The following SLC49A4 variants were observed in gnomAD, a reference collection of about 807,000 sequenced individuals.
The protein encoded by SLC49A4 is disrupted in renal cancer protein 2.
Under a neutral mutation model 50.6 loss-of-function variants are expected in SLC49A4, and 36 were observed. The observed-to-expected ratio is 0.71, with a 90% CI of 0.55 to 0.94. SLC49A4 has a LOEUF of 0.94. Ranked by LOEUF, SLC49A4 falls within the 40% of genes least tolerant of loss-of-function variation. The pLI is 0.00. For missense variants in SLC49A4, 503 were observed against 605.7 expected, an observed-to-expected ratio of 0.83 and a Z score of 1.78; for synonymous variants, 248 against 241.2, an observed-to-expected ratio of 1.03 and a Z score of -0.26.
chr3:122,812,060 A>T (rs752166082), intron 2 of SLC49A4, among the ~76,000 whole-genome samples: 7 of 151,886 alleles, frequency 4.6e-5, no homozygotes, highest in Non-Finnish European at 1.0e-4. Flanking sequence ...GGCTCAAGGG[A>T]TCCTCCTGCC....
chr3:122,809,207 G>C (rs948276268), intron 2 of SLC49A4, among the ~76,000 whole-genome samples: 6 of 152,128 alleles, frequency 3.9e-5, no homozygotes, highest in African/African-American at 1.4e-4. Context: ...TAGGGTACAA[G>C]GGTTCATGTT....
chr3:122,807,031 A>G lies in SLC49A4; in HGVS notation c.437+81A>G, dbSNP rs1187494262. 5 of 762,904 alleles carry G rather than the reference A, an allele frequency of 6.6e-6. No homozygotes were observed. In the Admixed American group the frequency reaches 1.4e-4, roughly 21 times the overall value. 47.3% of individuals were successfully genotyped at this position (762,904 alleles called of 1,614,324 possible). A position where few individuals can be genotyped will look rare whatever the true frequency, so the allele number is the denominator to read the frequency against. On this transcript the variant is annotated intron_variant, in intron 2 of 8. Transcript: ENST00000261038. ...TTTTTAAGAAGATCAGTAAAGGGTC[A>G]TATTTATAGAAGCGTTTATTTTTTT...
At chr3:122,822,337 T>C (rs994375634) in intron 2 of SLC49A4, among the ~76,000 whole-genome samples, 3 of 152,238 alleles carry the variant, frequency 2.0e-5, no homozygotes, top group Admixed American at 6.5e-5. Context: ...TATCTTTTAA[T>C]GTGTGAAAGT....
Position 122,826,862 on chromosome 3 carries a change from C to A in SLC49A4, c.500C>A (p.Pro167Gln). 6.2e-7 allele frequency: 1 copy of A among 1,614,136 alleles called. No individual in the cohort carries two copies. ...LAGPTVMNAA[P>Q]FLSTTWFSAD... Reference sequence around the variant, plus strand: ...GGTCCAACTGTAATGAATGCAGCACCATTTCTCTCTACGACGTGGTTTTCT... The same window carrying A: ...GGTCCAACTGTAATGAATGCAGCACAATTTCTCTCTACGACGTGGTTTTCT... The change falls in exon 3 of 9, where the codon CCA becomes CAA. Residue 167 changes from proline to glutamine, a missense_variant. Pro to Gln is a moderately conservative substitution (Grantham distance 76). Transcript: ENST00000261038.
chr3:122,825,801 T>G (rs1225550457), intron 2 of SLC49A4, among the ~76,000 whole-genome samples: 1 of 152,108 alleles, frequency 6.6e-6, no homozygotes, highest in Non-Finnish European at 1.5e-5. Flanking sequence ...CTATGCTTTC[T>G]TTGGACTTCT....
At chr3:122,879,235 T>G in intron 8 of SLC49A4, 28 bp from the exon 9 acceptor site, 1 of 1,552,156 alleles carries the variant, frequency 6.4e-7, no homozygotes, top group Non-Finnish European at 8.9e-7. Context: ...CATGAATGTT[T>G]AAAACTGCAT....
chr3:122,806,975 C>A, intron 2 of SLC49A4, 25 bp downstream of exon 2: 2 of 1,370,002 alleles, frequency 1.5e-6, no homozygotes, highest in South Asian at 1.2e-5. Context: ...TAACATTTCT[C>A]CCCCATTTTT....
At chr3:122,862,643 G>A (rs950470107) in intron 7 of SLC49A4, among the ~76,000 whole-genome samples, 2 of 152,146 alleles carry the variant, frequency 1.3e-5, no homozygotes, top group Non-Finnish European at 2.9e-5. Flanking sequence ...TTTTTTGTGT[G>A]TGATACTGTA....
intron 7 of SLC49A4, among the ~76,000 whole-genome samples, chr3:122,866,948 C>T (rs1351932862): frequency 6.6e-6 from 1 of 152,070 alleles, no homozygotes; most frequent in Non-Finnish European, 1.5e-5. Flanking sequence ...TAACACTGTG[C>T]ATATAAATGG....
chr3:122,850,959 C>T (rs914729715), intron 5 of SLC49A4, among the ~76,000 whole-genome samples: 1 of 152,008 alleles, frequency 6.6e-6, no homozygotes, highest in African/African-American at 2.4e-5. Flanking sequence ...ACTTTAATTT[C>T]CCCCCACTCT....
intron 5 of SLC49A4, among the ~76,000 whole-genome samples, chr3:122,851,678 GTC>G (rs527626213): frequency 1.5e-3 from 232 of 152,108 alleles, no homozygotes; most frequent in Non-Finnish European, 2.5e-3. Flanking sequence ...TTAGCTTGAT[GTC>G]TCTCATTAAT....
At chr3:122,814,055 G>A (rs56072928) in intron 2 of SLC49A4, among the ~76,000 whole-genome samples, 6,398 of 152,284 alleles carry the variant, frequency 0.042, 441 homozygotes, top group African/African-American at 0.14. Flanking sequence ...TGGATCACTT[G>A]AGGCCAGGAG....
intron 4 of SLC49A4, among the ~76,000 whole-genome samples, chr3:122,834,887 G>A (rs1936657509): frequency 6.6e-6 from 1 of 152,014 alleles, no homozygotes; most frequent in South Asian, 2.1e-4. Flanking sequence ...CAATACCACA[G>A]AAATACAAAA....
chr3:122,796,737 T>C lies in SLC49A4; in HGVS notation c.343+1202T>C, dbSNP rs534712588. On this transcript the variant is annotated intron_variant, in intron 1 of 8. Coordinates refer to ENST00000261038, the MANE Select transcript of SLC49A4 (RefSeq NM_032839.3). ...GGGTTAAGATTTCAAAATGTGAATT[T>C]GAGGCCTGGCGCAGTGGCTCAAGTA... Among the ~76,000 whole-genome samples, 184 of 152,278 alleles carry C rather than the reference T, an allele frequency of 1.2e-3. 1 individual carries two copies. Among genetic ancestry groups the C allele is most frequent in the Non-Finnish European group, 2.1e-3 (141 of 68,022 alleles).
chr3:122,835,489 A>G (rs1055621481), intron 4 of SLC49A4, among the ~76,000 whole-genome samples: 5 of 152,330 alleles, frequency 3.3e-5, no homozygotes, highest in Non-Finnish European at 7.3e-5. Flanking sequence ...GATATATGAC[A>G]TAAACAGAAT....
chr3:122,807,261 A>C (rs1936233489), intron 2 of SLC49A4, among the ~76,000 whole-genome samples: 1 of 152,088 alleles, frequency 6.6e-6, no homozygotes, highest in Non-Finnish European at 1.5e-5. Flanking sequence ...CTACAGAAGA[A>C]ATACAAAATT....
chr3:122,795,484 C>G lies in SLC49A4; in HGVS notation c.292C>G (p.Pro98Ala). Residue 98 changes from proline (P) to alanine (A), a missense_variant, in exon 1 of 9, where the codon CCC becomes GCC. Physicochemically the swap from Pro to Ala is conservative, Grantham distance 27. Transcript: ENST00000261038. ...WDIALLVLWG[P>A]IGFLPCFAFM... ...CATCGCGCTGCTCGTGCTGTGGGGGCCCATCGGCTTCCTGCCCTGCTTCGC... is the reference window on the plus strand; with the variant it reads ...CATCGCGCTGCTCGTGCTGTGGGGGGCCATCGGCTTCCTGCCCTGCTTCGC... 6.2e-7 allele frequency: 1 copy of G among 1,605,270 alleles called. No individual in the cohort carries two copies. The highest frequency in any genetic ancestry group is 8.5e-7 in the Non-Finnish European group (1 of 1,178,902).
intron 4 of SLC49A4, among the ~76,000 whole-genome samples, chr3:122,838,012 C>T (rs1387669852): frequency 1.5e-4 from 23 of 151,780 alleles, no homozygotes; most frequent in Non-Finnish European, 3.1e-4. Context: ...AATGAGATAC[C>T]ATCTCACACC....
chr3:122,865,841 C>T (rs1177543710), intron 7 of SLC49A4, among the ~76,000 whole-genome samples: 1 of 152,080 alleles, frequency 6.6e-6, no homozygotes, highest in Non-Finnish European at 1.5e-5. Flanking sequence ...TGTTATAAGC[C>T]TACACTTCAG....
Sources: allele counts gnomAD v4.1 joint callset (sites outside exome capture counted in the v4.1 genomes callset), GRCh38; gene constraint gnomAD v4.1.1; transcripts MANE v1.5; gene names NCBI Gene and HGNC (gene_info 2026-07-23, HGNC 2026-07-21).